The following ITPRIP variants were observed in gnomAD, a reference collection of about 807,000 sequenced individuals.
The protein encoded by ITPRIP is inositol 1,4,5-trisphosphate receptor-interacting protein.
ITPRIP carries 32 observed loss-of-function variants against 35.8 expected under a neutral mutation model. The observed-to-expected ratio is 0.89, with a 90% CI of 0.68 to 1.20. The LOEUF (loss-of-function observed/expected upper bound fraction) is 1.20, where lower values mean the gene tolerates loss of function less well. Among genes scored for constraint, ITPRIP ranks in the 50% most tolerant of loss-of-function variants. The pLI is 0.00. For missense variants in ITPRIP, 653 were observed against 735.6 expected (o/e 0.89, Z 1.30); for synonymous variants, 358 against 324.0 (o/e 1.11, Z -1.13).
intron 1 of ITPRIP, among the ~76,000 whole-genome samples, chr10:104,336,969 A>AT (rs2014247331): frequency 1.3e-5 from 2 of 152,352 alleles, no homozygotes; most frequent in South Asian, 4.1e-4. Context: ...GAGAGTCAGT[A>AT]TAACTACTTC....
chr10:104,336,248 C>G (rs2014231113), intron 1 of ITPRIP, among the ~76,000 whole-genome samples: 1 of 152,168 alleles, frequency 6.6e-6, no homozygotes, highest in Admixed American at 6.5e-5. Context: ...CCTCCTGGCT[C>G]TGTACCCCTC....
intron 1 of ITPRIP, among the ~76,000 whole-genome samples, chr10:104,332,554 C>T (rs1219365252): frequency 1.3e-5 from 2 of 152,234 alleles, no homozygotes; most frequent in Non-Finnish European, 2.9e-5. Flanking sequence ...CCTCTTTCGT[C>T]TCCTGTGCTG....
At chr10:104,334,574 C>T (rs1325939960) in intron 1 of ITPRIP, among the ~76,000 whole-genome samples, 1 of 152,204 alleles carries the variant, frequency 6.6e-6, no homozygotes, top group African/African-American at 2.4e-5. Context: ...AAAATTACTA[C>T]ATTATGAGAG....
intron 1 of ITPRIP, among the ~76,000 whole-genome samples, chr10:104,325,627 C>G (rs1260266949): frequency 1.3e-5 from 2 of 152,204 alleles, no homozygotes; most frequent in Non-Finnish European, 2.9e-5. Flanking sequence ...GGGTTGGCAT[C>G]CTGGTGACTT....
chr10:104,317,819 C>G (rs562931662), intron 1 of ITPRIP, among the ~76,000 whole-genome samples: 1 of 152,314 alleles, frequency 6.6e-6, no homozygotes, highest in Non-Finnish European at 1.5e-5. Flanking sequence ...GGTAAAGATA[C>G]CTCTGCAGGT....
intron 1 of ITPRIP, among the ~76,000 whole-genome samples, chr10:104,322,558 G>A (rs967862202): frequency 2.0e-5 from 3 of 152,192 alleles, no homozygotes; most frequent in South Asian, 2.1e-4. Context: ...TCTAATGCCC[G>A]CTTATGTCTG....
At chr10:104,334,658 T>C (rs1259899249) in intron 1 of ITPRIP, among the ~76,000 whole-genome samples, 2 of 152,184 alleles carry the variant, frequency 1.3e-5, no homozygotes, top group African/African-American at 4.8e-5. Context: ...GAGATGCCCA[T>C]AGCCAGGCTG....
At position 104,314,572 on chromosome 10, in the gene ITPRIP, C is replaced by CGGCCTCAGGGAGTCCCAT. The variant is rs772586567; in HGVS notation, c.1462_1479dup (p.Met488_Ala493dup). On this transcript the variant is annotated inframe_insertion, in exon 2 of 2. Coordinates refer to ENST00000337478, the MANE Select transcript of ITPRIP (RefSeq NM_001272013.2). ...AGGTTGAGGGGCTCGGCCCTGAGCACGGCCTCAGGGAGTCCCATGGCCTCA... is the reference window on the plus strand; with the variant it reads ...AGGTTGAGGGGCTCGGCCCTGAGCACGGCCTCAGGGAGTCCCATGGCCTCAGGGAGTCCCATGGCCTCA... The CGGCCTCAGGGAGTCCCAT allele has an allele frequency of 1.2e-6, 2 of 1,614,208 alleles. No individual in the cohort carries two copies. The highest frequency in any genetic ancestry group is 3.3e-5 in the Admixed American group (2 of 60,034).
Position 104,313,485 on chromosome 10 carries a change from C to G in ITPRIP, c.*923G>C. 1 of 985,682 alleles carries G rather than the reference C, an allele frequency of 1.0e-6. No homozygotes were observed. Among genetic ancestry groups the G allele is most frequent in the Non-Finnish European group, 1.2e-6 (1 of 830,116 alleles). 61.1% of individuals were successfully genotyped at this position (985,682 alleles called of 1,614,324 possible). On this transcript the variant is annotated 3_prime_UTR_variant, in exon 2 of 2. Coordinates refer to ENST00000337478, the MANE Select transcript of ITPRIP (RefSeq NM_001272013.2). ...GTGATAGAGTTTCTTTTCCAGCTGT[C>G]CTTTGCCACAGTCACCCCGTGTGTC...
At position 104,315,042 on chromosome 10, in the gene ITPRIP, T is replaced by A; in HGVS notation, c.1010A>T (p.Lys337Met). Reference sequence around the variant, plus strand: ...GGGCATGAACTTCCCTGAACGGAACTTGATCTTCAGGGACCCCGGGCTGTC... The same window carrying A: ...GGGCATGAACTTCCCTGAACGGAACATGATCTTCAGGGACCCCGGGCTGTC... ...QLDSPGSLKIKFRSGKFMPFN... is the reference protein window; with the variant it reads ...QLDSPGSLKIMFRSGKFMPFN... Residue 337 changes from lysine (K) to methionine (M), a missense_variant, in exon 2 of 2, where the codon AAG becomes ATG. Physicochemically the swap from Lys to Met is moderately conservative, Grantham distance 95. Coordinates refer to ENST00000337478, the MANE Select transcript of ITPRIP (RefSeq NM_001272013.2). The surrounding 1 kb of genome is among the most constrained non-coding windows in gnomAD (Gnocchi z 5.7). 6.2e-7 allele frequency: 1 copy of A among 1,614,156 alleles called. No individual in the cohort carries two copies. Among genetic ancestry groups the A allele is most frequent in the Non-Finnish European group, 8.5e-7 (1 of 1,180,030 alleles).
At chr10:104,336,506 G>A (rs1419449840) in intron 1 of ITPRIP, among the ~76,000 whole-genome samples, 1 of 147,364 alleles carries the variant, frequency 6.8e-6, no homozygotes, top group Non-Finnish European at 1.5e-5. Context: ...GGGGGGGGGG[G>A]GCAGCGGGGC....
chr10:104,337,133 A>G (rs1255337793), intron 1 of ITPRIP, among the ~76,000 whole-genome samples: 1 of 152,214 alleles, frequency 6.6e-6, no homozygotes, highest in Non-Finnish European at 1.5e-5. Context: ...AGGAGGAAAG[A>G]CAGTAATCCA....
intron 1 of ITPRIP, among the ~76,000 whole-genome samples, chr10:104,332,719 C>T (rs1380587999): frequency 6.6e-6 from 1 of 152,216 alleles, no homozygotes; most frequent in Non-Finnish European, 1.5e-5. Context: ...TCCATGGCTG[C>T]CCCCTCTGAC....
chr10:104,336,500 G>T (rs1303372307), intron 1 of ITPRIP, among the ~76,000 whole-genome samples: 4 of 151,216 alleles, frequency 2.6e-5, no homozygotes, highest in Non-Finnish European at 4.4e-5. Context: ...TTTTTGGGGG[G>T]GGGGGGGCAG....
At chr10:104,317,798 A>G (rs2013728622) in intron 1 of ITPRIP, among the ~76,000 whole-genome samples, 1 of 152,152 alleles carries the variant, frequency 6.6e-6, no homozygotes, top group African/African-American at 2.4e-5. Context: ...AGGAACAGGG[A>G]TTTGTCCCCA....
In ITPRIP at chr10:104,310,168, G is replaced by A. The variant is rs910603014; in HGVS notation, c.*4240C>T. On this transcript the variant is annotated 3_prime_UTR_variant, in exon 2 of 2. Coordinates refer to ENST00000337478, the MANE Select transcript of ITPRIP (RefSeq NM_001272013.2). ...CTGTCCCGTGAGGTGGAGATGAGAC[G>A]GACCACGAAAATGTTCTGAATCACA... 6.6e-6 allele frequency: 1 copy of A among 152,096 alleles called. No homozygotes were observed. The highest frequency in any genetic ancestry group is 1.5e-5 in the Non-Finnish European group (1 of 68,022). 9.4% of individuals were successfully genotyped at this position (152,096 alleles called of 1,614,324 possible). A position where few individuals can be genotyped will look rare whatever the true frequency, so the allele number is the denominator to read the frequency against.
Position 104,337,478 on chromosome 10 carries a change from G to A in ITPRIP, c.-14+768C>T, listed in dbSNP as rs2014259784. 3.3e-5 allele frequency among the ~76,000 whole-genome samples: 5 copies of A among 152,208 alleles called. No individual in the cohort carries two copies. In the South Asian group the frequency reaches 1.0e-3, roughly 32 times the overall value. ...TTCCGTAAAATATTTTACCTTCCTG[G>A]TCGGTGGCTTTTTTTTTCTTTTTCT... On this transcript the variant is annotated intron_variant, in intron 1 of 1. Transcript: ENST00000337478.
intron 1 of ITPRIP, among the ~76,000 whole-genome samples, chr10:104,325,405 T>C (rs570878861): frequency 1.3e-5 from 2 of 152,292 alleles, no homozygotes; most frequent in Admixed American, 1.3e-4. Context: ...CCTGAAATAC[T>C]GGCTCCACCT....
rs1438886210 is a variant in ITPRIP, at chr10:104,310,377, A to G, written c.*4031T>C. The G allele has an allele frequency of 6.6e-6, 1 of 152,132 alleles. No homozygotes were observed. Among genetic ancestry groups the G allele is most frequent in the African/African-American group, 2.4e-5 (1 of 41,422 alleles). The allele number at this position is 152,132 out of a possible 1,614,324, so 9.4% of individuals were successfully genotyped here. On this transcript the variant is annotated 3_prime_UTR_variant, in exon 2 of 2. Coordinates refer to ENST00000337478, the MANE Select transcript of ITPRIP (RefSeq NM_001272013.2). ...TTACTGTCTCACTCAAAACCCGCCA[A>G]TGGCCCACCTCTGCTTGTTGTGAGG...
Sources: gnomAD v4.1 joint callset for allele counts (sites outside exome capture counted in the v4.1 genomes callset) on GRCh38, gnomAD v4.1.1 for gene constraint, Gnocchi (gnomAD v3.1) non-coding constraint, MANE v1.5 for transcripts, NCBI Gene and HGNC (gene_info 2026-07-23, HGNC 2026-07-21) for gene names.